The following OTOGL variants were observed in gnomAD, a reference collection of about 807,000 sequenced individuals.
OTOGL encodes the protein otogelin-like protein.
OTOGL carries 285 observed loss-of-function variants against 318.5 expected under a neutral mutation model. The observed-to-expected ratio is 0.89, with a 90% CI of 0.81 to 0.99. The LOEUF is 0.99. OTOGL is among the 50% of genes least tolerant of loss of function. The pLI, the probability that OTOGL is intolerant of heterozygous loss-of-function variation, is 0.00. For missense variants in OTOGL, 2,899 were observed against 2,845.6 expected, an observed-to-expected ratio of 1.02 and a Z score of -0.43; for synonymous variants, 987 against 936.5, an observed-to-expected ratio of 1.05 and a Z score of -0.99.
At chr12:80,280,856 G>T in intron 26 of OTOGL, among the ~76,000 whole-genome samples, 1 of 151,750 alleles carries the variant, frequency 6.6e-6, no homozygotes, top group Middle Eastern at 3.4e-3. Context: ...TGTTTGTGTC[G>T]TCTTGATTTC....
intron 1 of OTOGL, among the ~76,000 whole-genome samples, chr12:80,177,654 C>T (rs1874617625): frequency 6.6e-6 from 1 of 152,034 alleles, no homozygotes; most frequent in South Asian, 2.1e-4. Flanking sequence ...GACATTTAAT[C>T]TATAGATCAA....
At chr12:80,235,172 G>A (rs1703070733) in intron 9 of OTOGL, among the ~76,000 whole-genome samples, 1 of 151,754 alleles carries the variant, frequency 6.6e-6, no homozygotes, top group African/African-American at 2.4e-5. Flanking sequence ...AGAAAAGACT[G>A]CTTTGGGGTA....
At chr12:80,192,273 ACT>A (rs1229954364) in intron 1 of OTOGL, among the ~76,000 whole-genome samples, 2 of 152,106 alleles carry the variant, frequency 1.3e-5, no homozygotes, top group African/African-American at 2.4e-5. Context: ...TGATTTTCTA[ACT>A]CTGACAAAAC....
At chr12:80,146,366 A>G (rs1394136061) in intron 1 of OTOGL, among the ~76,000 whole-genome samples, 2 of 149,220 alleles carry the variant, frequency 1.3e-5, no homozygotes, top group East Asian at 3.9e-4. Flanking sequence ...ACATTTATTG[A>G]TTTGCGTATA....
intron 5 of OTOGL, among the ~76,000 whole-genome samples, chr12:80,219,458 G>A (rs554720813): frequency 1.2e-4 from 18 of 152,318 alleles, no homozygotes; most frequent in Non-Finnish European, 2.4e-4. Flanking sequence ...TGTGCAGCCA[G>A]CGCCAAACTC....
intron 44 of OTOGL, among the ~76,000 whole-genome samples, chr12:80,345,112 A>G (rs1230138964): frequency 4.6e-3 from 12 of 2,624 alleles, no homozygotes; most frequent in Non-Finnish European, 0.013. Flanking sequence ...ATTATAATAT[A>G]TATTATTATG....
intron 1 of OTOGL, among the ~76,000 whole-genome samples, chr12:80,187,969 G>A (rs561585384): frequency 6.6e-5 from 10 of 152,126 alleles, no homozygotes; most frequent in Non-Finnish European, 1.2e-4. Context: ...ACAATGAATT[G>A]GATTACTGCC....
At chr12:80,205,244 T>C (rs1565898901) in intron 1 of OTOGL, among the ~76,000 whole-genome samples, 1 of 152,170 alleles carries the variant, frequency 6.6e-6, no homozygotes, top group Non-Finnish European at 1.5e-5. Context: ...AGAATGAAGA[T>C]AGCTGCAGAA....
chr12:80,152,914 A>G (rs1872877150), intron 1 of OTOGL, among the ~76,000 whole-genome samples: 2 of 152,122 alleles, frequency 1.3e-5, no homozygotes, highest in African/African-American at 4.8e-5. Context: ...GGCAGGTGCC[A>G]ATTTCGTAAC....
At chr12:80,174,980 A>T (rs1874438587) in intron 1 of OTOGL, among the ~76,000 whole-genome samples, 1 of 151,372 alleles carries the variant, frequency 6.6e-6, no homozygotes, top group African/African-American at 2.4e-5. Context: ...TTTTTAAAAT[A>T]AAAAAAAACT....
intron 18 of OTOGL, among the ~76,000 whole-genome samples, chr12:80,259,532 A>G (rs1376378932): frequency 5.3e-5 from 8 of 151,610 alleles, no homozygotes; most frequent in Non-Finnish European, 2.9e-5. Flanking sequence ...TTCCTCCCCT[A>G]GCCCCACACC....
intron 1 of OTOGL, chr12:80,189,515 T>C: frequency 2.1e-6 from 2 of 934,170 alleles, no homozygotes; most frequent in Non-Finnish European, 2.6e-6. Flanking sequence ...TTAGTACTAA[T>C]TCATTTCTTG....
rs1869012910 is a variant in OTOGL at position 80,099,609 on chromosome 12, A to G, written c.-20+4A>G. The G allele has an allele frequency of 6.6e-6, 1 of 152,190 alleles. No homozygotes were observed. The highest frequency in any genetic ancestry group is 2.4e-5 in the African/African-American group (1 of 41,448). The allele number at this position is 152,190 out of a possible 1,614,324, so 9.4% of individuals were successfully genotyped here. On this transcript the variant is annotated splice_donor_region_variant and intron_variant, in intron 1 of 58. Coordinates refer to ENST00000547103, the MANE Select transcript of OTOGL (RefSeq NM_001378609.3). ...AGCCATAGCCAGTGCTTCCCTGGTA[A>G]GTTTTGGGGGATGGAAGTGGCAGCA... is the stretch of plus-strand genomic sequence containing the variant.
At chr12:80,127,237 G>T (rs112866454) in intron 1 of OTOGL, among the ~76,000 whole-genome samples, 1 of 152,048 alleles carries the variant, frequency 6.6e-6, no homozygotes, top group Non-Finnish European at 1.5e-5. Flanking sequence ...GGCAGGCCTG[G>T]TGGTGACAAA....
chr12:80,330,159 C>T lies in OTOGL; in HGVS notation c.4348+1040C>T, dbSNP rs140148446. Among the ~76,000 whole-genome samples, 163 of 152,212 alleles carry T rather than the reference C, an allele frequency of 1.1e-3. 1 individual carries two copies. The East Asian group carries it at 0.012, about 11-fold the overall frequency. On this transcript the variant is annotated intron_variant, in intron 37 of 58. Coordinates refer to ENST00000547103, the MANE Select transcript of OTOGL (RefSeq NM_001378609.3). Reference sequence around the variant, plus strand: ...CGAAAGGTGGAGTGGAAGAGATTATCGGGGGCAGGTCACAAAGGACTCATG... The same window carrying T: ...CGAAAGGTGGAGTGGAAGAGATTATTGGGGGCAGGTCACAAAGGACTCATG...
At chr12:80,112,010 T>C (rs1565864407) in intron 1 of OTOGL, among the ~76,000 whole-genome samples, 1 of 152,222 alleles carries the variant, frequency 6.6e-6, no homozygotes, top group Non-Finnish European at 1.5e-5. Flanking sequence ...TATGTAGCAA[T>C]TGTGAATGGG....
chr12:80,176,050 A>G (rs1245795622), intron 1 of OTOGL, among the ~76,000 whole-genome samples: 1 of 152,210 alleles, frequency 6.6e-6, no homozygotes. Context: ...GATGGCTAGC[A>G]AAGAAGTAGG....
At chr12:80,204,135 C>T (rs7971278) in intron 1 of OTOGL, among the ~76,000 whole-genome samples, 1 of 151,992 alleles carries the variant, frequency 6.6e-6, no homozygotes, top group Non-Finnish European at 1.5e-5. Context: ...AAGGGGAAAC[C>T]TTTTTTGTGG....
intron 1 of OTOGL, among the ~76,000 whole-genome samples, chr12:80,190,643 C>T (rs1053257851): frequency 1.3e-5 from 2 of 151,800 alleles, no homozygotes; most frequent in Admixed American, 6.6e-5. Flanking sequence ...AAAAATTAGC[C>T]GGGCGTGGTG....
Sources: gnomAD v4.1 joint callset for allele counts (sites outside exome capture counted in the v4.1 genomes callset) on GRCh38, gnomAD v4.1.1 for gene constraint, MANE v1.5 for transcripts, NCBI Gene and HGNC (gene_info 2026-07-23, HGNC 2026-07-21) for gene names.